The following SMURF2 variants were observed in gnomAD, a reference collection of about 807,000 sequenced individuals.
SMURF2 encodes E3 ubiquitin-protein ligase SMURF2.
Under a neutral mutation model 109.6 loss-of-function variants are expected in SMURF2, and 48 were observed. The ratio of observed to expected loss-of-function variants is 0.44; its 90% CI spans 0.35 to 0.56. The LOEUF is 0.56. SMURF2 is among the 20% of genes least tolerant of loss of function. The pLI is 0.01. For synonymous variants in SMURF2, 288 were observed against 317.1 expected (o/e 0.91, Z 0.97); for missense variants, 575 against 909.0 (o/e 0.63, Z 4.72).
At chr17:64,647,264 C>G (rs1970571590) in intron 1 of SMURF2, among the ~76,000 whole-genome samples, 1 of 149,874 alleles carries the variant, frequency 6.7e-6, no homozygotes, top group Non-Finnish European at 1.5e-5. Context: ...AGCTGGAAAT[C>G]AGAAGAAACT....
chr17:64,571,161 A>C (rs562944933), intron 10 of SMURF2, among the ~76,000 whole-genome samples: 3 of 152,268 alleles, frequency 2.0e-5, no homozygotes, highest in Admixed American at 2.0e-4. Context: ...AATATAAATT[A>C]TTAATAATTT....
chr17:64,559,829 C>A (rs1256096875), intron 12 of SMURF2, among the ~76,000 whole-genome samples: 2 of 150,972 alleles, frequency 1.3e-5, no homozygotes, highest in Non-Finnish European at 2.9e-5. Flanking sequence ...CTCAGTGCAA[C>A]CTTTGCCTCC....
At chr17:64,557,851 G>C in intron 12 of SMURF2, 129 bp from the exon 13 acceptor site, 1 of 548,166 alleles carries the variant, frequency 1.8e-6, no homozygotes, top group Non-Finnish European at 3.2e-6. Flanking sequence ...ACTAACTACA[G>C]TTATATAAGA....
intron 1 of SMURF2, among the ~76,000 whole-genome samples, chr17:64,616,633 C>T (rs1243902647): frequency 2.7e-5 from 4 of 146,796 alleles, no homozygotes; most frequent in East Asian, 2.0e-4. Flanking sequence ...CCAGCCCAGA[C>T]GACAGTGCGA....
chr17:64,580,988 C>T lies in SMURF2; in HGVS notation c.573G>A (p.Pro191=), dbSNP rs147881898. 188 of 1,613,710 alleles carry T rather than the reference C, an allele frequency of 1.2e-4. No homozygotes were observed. In the South Asian group the frequency reaches 1.2e-3, roughly 10 times the overall value. The part of the protein sequence containing the change: ...RTTQWERPTR[P]ASEYSSPGRP... ...TGCCAGGGCTAGAATATTCGGATGC[C>T]GGTCTATTGAAAATTAACAAGGAAA... Residue 191 remains proline, a synonymous_variant, in exon 8 of 19, where the codon CCG becomes CCA. Transcript: ENST00000262435.
intron 7 of SMURF2, among the ~76,000 whole-genome samples, chr17:64,582,579 C>T (rs1202246366): frequency 2.0e-5 from 3 of 151,818 alleles, no homozygotes; most frequent in Admixed American, 1.3e-4. Context: ...TTAATTCATT[C>T]GATTTTTATT....
chr17:64,559,804 G>C (rs1969185453), intron 12 of SMURF2, among the ~76,000 whole-genome samples: 1 of 150,796 alleles, frequency 6.6e-6, no homozygotes, highest in African/African-American at 2.4e-5. Context: ...CTGGAGTGCA[G>C]TAGCACGATC....
intron 1 of SMURF2, among the ~76,000 whole-genome samples, chr17:64,609,529 T>C (rs1970014326): frequency 6.6e-6 from 1 of 152,168 alleles, no homozygotes; most frequent in African/African-American, 2.4e-5. Flanking sequence ...GGGAAAGGAT[T>C]CCCTATGTAA....
rs978397460 is a variant in SMURF2 at position 64,571,447 on chromosome 17, C to G, written c.1016+351G>C. On this transcript the variant is annotated intron_variant, in intron 10 of 18. Coordinates refer to ENST00000262435, the MANE Select transcript of SMURF2 (RefSeq NM_022739.4). Reference sequence around the variant, plus strand: ...AGAGACAGGGTCTCCATCTGTCACCCAGGCTGGAGTTGGGGTGGTGTGATC... The same window carrying G: ...AGAGACAGGGTCTCCATCTGTCACCGAGGCTGGAGTTGGGGTGGTGTGATC... Among the ~76,000 whole-genome samples the G allele has an allele frequency of 3.3e-5, 5 of 152,196 alleles. No homozygotes were observed. The East Asian group carries it at 7.7e-4, about 23-fold the overall frequency.
At chr17:64,568,879 G>A (rs562514910) in intron 10 of SMURF2, among the ~76,000 whole-genome samples, 4 of 151,846 alleles carry the variant, frequency 2.6e-5, no homozygotes, top group Non-Finnish European at 5.9e-5. Context: ...GTGCGCGCCT[G>A]TAGTCCCAGC....
chr17:64,582,955 C>T (rs554308354), intron 7 of SMURF2, among the ~76,000 whole-genome samples: 12 of 150,394 alleles, frequency 8.0e-5, no homozygotes, highest in Admixed American at 6.0e-4. Flanking sequence ...TTAGAGTGCA[C>T]GGGCACGATC....
rs781796212 is a variant in SMURF2, at chr17:64,580,967, A to G, written c.594T>C (p.Pro198=). The G allele has an allele frequency of 6.2e-7, 1 of 1,614,184 alleles. No individual in the cohort carries two copies. Residue 198 remains proline (P), a synonymous_variant, in exon 8 of 19, where the codon CCT becomes CCC. Transcript: ENST00000262435. ...CAACAAAGCAGCTAAGAGGTCTGCC[A>G]GGGCTAGAATATTCGGATGCCGGTC... ...PTRPASEYSS[P]GRPLSCFVDE...
chr17:64,601,497 G>A (rs186116190), intron 2 of SMURF2, among the ~76,000 whole-genome samples: 12 of 152,090 alleles, frequency 7.9e-5, no homozygotes, highest in African/African-American at 1.7e-4. Flanking sequence ...ACTATAATGC[G>A]ATGCCACCTC....
At chr17:64,637,089 G>A (rs1970427053) in intron 1 of SMURF2, among the ~76,000 whole-genome samples, 1 of 151,200 alleles carries the variant, frequency 6.6e-6, no homozygotes, top group South Asian at 2.1e-4. Context: ...TGTTTAAATT[G>A]ACAGAATCCA....
chr17:64,561,386 A>C (rs1969215501), intron 12 of SMURF2, 114 bp downstream of exon 12: 7 of 690,160 alleles, frequency 1.0e-5, no homozygotes, highest in Middle Eastern at 4.9e-4. Flanking sequence ...CAGTGATACA[A>C]ACATTAGGGA....
rs558223775 is a variant in SMURF2 at position 64,638,432 on chromosome 17, C to T, written c.52+23397G>A. ...GGCAGGCTGGTCTCAAACTCCTGAC[C>T]TCAAGTGATCTGCCTGCCTCAGCCT... On this transcript the variant is annotated intron_variant, in intron 1 of 18. Transcript: ENST00000262435. 5.9e-5 allele frequency among the ~76,000 whole-genome samples: 9 copies of T among 152,202 alleles called. No individual in the cohort carries two copies. In the South Asian group the frequency reaches 1.9e-3, roughly 32 times the overall value.
chr17:64,629,347 T>A (rs1180325412), intron 1 of SMURF2, among the ~76,000 whole-genome samples: 2 of 151,966 alleles, frequency 1.3e-5, no homozygotes, highest in African/African-American at 2.4e-5. Context: ...TAAAAAAAAT[T>A]TTTTTAATTA....
intron 9 of SMURF2, among the ~76,000 whole-genome samples, chr17:64,577,294 T>C (rs1969506510): frequency 6.6e-6 from 1 of 151,590 alleles, no homozygotes; most frequent in Admixed American, 6.6e-5. Context: ...CTCAGCCAAC[T>C]ATCGCAAGGC....
chr17:64,613,827 T>G (rs1970085285), intron 1 of SMURF2, among the ~76,000 whole-genome samples: 2 of 151,640 alleles, frequency 1.3e-5, no homozygotes, highest in South Asian at 4.2e-4. Context: ...ATTTCTATTA[T>G]TATTACATTG....
Sources: gnomAD v4.1 joint callset for allele counts (sites outside exome capture counted in the v4.1 genomes callset) on GRCh38, gnomAD v4.1.1 for gene constraint, MANE v1.5 for transcripts, NCBI Gene and HGNC (gene_info 2026-07-23, HGNC 2026-07-21) for gene names.